The following CHCHD3 variants were observed in gnomAD, a reference collection of about 807,000 sequenced individuals.
CHCHD3 encodes coiled-coil-helix-coiled-coil-helix domain containing 3, also known as MICOS complex subunit MIC19.
Under a neutral mutation model 38.2 loss-of-function variants are expected in CHCHD3, and 20 were observed. The ratio of observed to expected loss-of-function variants is 0.52; its 90% CI spans 0.37 to 0.76. CHCHD3 has a LOEUF of 0.76. Among genes scored for constraint, CHCHD3 ranks in the 30% least tolerant of loss-of-function variants. CHCHD3 has a pLI of 0.00. For synonymous variants in CHCHD3, 82 were observed against 100.0 expected (o/e 0.82, Z 1.07); for missense variants, 245 against 279.2 (o/e 0.88, Z 0.87).
chr7:132,969,479 C>A (rs1386041535), intron 4 of CHCHD3, among the ~76,000 whole-genome samples: 2 of 152,210 alleles, frequency 1.3e-5, no homozygotes, highest in African/African-American at 4.8e-5. Context: ...CAATGCTACA[C>A]TGAAGTCAGA....
chr7:132,862,061 T>A (rs997161584), intron 5 of CHCHD3, among the ~76,000 whole-genome samples: 2 of 129,480 alleles, frequency 1.5e-5, no homozygotes, highest in African/African-American at 6.1e-5. Context: ...ACTTAATGTT[T>A]GCTGATGGAT....
rs139373029 is a variant in CHCHD3 at position 132,944,672 on chromosome 7, C to A, written c.369+30497G>T. On this transcript the variant is annotated intron_variant, in intron 4 of 7. Transcript: ENST00000262570. ...GAGCCGAAATTTGTACCTCCTCCATCCTATCCATACACTCCCCAGAAGTAT... is the reference window on the plus strand; with the variant it reads ...GAGCCGAAATTTGTACCTCCTCCATACTATCCATACACTCCCCAGAAGTAT... 8.9e-4 allele frequency among the ~76,000 whole-genome samples: 135 copies of A among 151,950 alleles called. No individual in the cohort carries two copies. The Middle Eastern group carries it at 0.031, about 34-fold the overall frequency.
Position 132,996,370 on chromosome 7 carries a change from TG to T in CHCHD3, c.252-21085del, listed in dbSNP as rs370421518. On this transcript the variant is annotated intron_variant, in intron 3 of 7. Coordinates refer to ENST00000262570, the MANE Select transcript of CHCHD3 (RefSeq NM_017812.4). ...TGACCCAGAACGTGTTTCCACTCTT[TG>T]TTTTTCCCCATTCACAGAGTCCTGA... 3.9e-5 allele frequency among the ~76,000 whole-genome samples: 6 copies of T among 152,338 alleles called. No homozygotes were observed. The East Asian group carries it at 1.2e-3, about 29-fold the overall frequency.
chr7:132,949,988 G>C (rs1449886648), intron 4 of CHCHD3, among the ~76,000 whole-genome samples: 1 of 152,040 alleles, frequency 6.6e-6, no homozygotes, highest in East Asian at 1.9e-4. Flanking sequence ...TTGTGTTTAG[G>C]AATATGGGAT....
At chr7:132,988,182 A>G (rs568182909) in intron 3 of CHCHD3, among the ~76,000 whole-genome samples, 1 of 152,194 alleles carries the variant, frequency 6.6e-6, no homozygotes, top group East Asian at 1.9e-4. Flanking sequence ...CAAGGGTCAT[A>G]AGAAACTTAC....
At chr7:132,954,010 C>T (rs975369878) in intron 4 of CHCHD3, among the ~76,000 whole-genome samples, 18 of 152,064 alleles carry the variant, frequency 1.2e-4, no homozygotes, top group Non-Finnish European at 1.9e-4. Context: ...ATCAGGAAGG[C>T]TTCTTGAAGA....
chr7:133,027,455 A>G (rs1813379398), intron 2 of CHCHD3, among the ~76,000 whole-genome samples: 18 of 144,554 alleles, frequency 1.2e-4, no homozygotes, highest in African/African-American at 4.7e-4. Flanking sequence ...GGAGGGGGGG[A>G]GAGGAAGAGG....
At chr7:132,990,055 C>T (rs1304453388) in intron 3 of CHCHD3, among the ~76,000 whole-genome samples, 2 of 152,072 alleles carry the variant, frequency 1.3e-5, no homozygotes, top group Non-Finnish European at 2.9e-5. Flanking sequence ...TGCCTGTAAT[C>T]CCAGCTACTG....
At chr7:132,949,717 T>C (rs1263110405) in intron 4 of CHCHD3, among the ~76,000 whole-genome samples, 1 of 152,082 alleles carries the variant, frequency 6.6e-6, no homozygotes, top group Non-Finnish European at 1.5e-5. Context: ...TAATAAAATA[T>C]GTCTTAAGAC....
chr7:132,800,461 T>C (rs1307487322), intron 6 of CHCHD3, among the ~76,000 whole-genome samples: 1 of 152,232 alleles, frequency 6.6e-6, no homozygotes. Flanking sequence ...CCTTCTTTGA[T>C]GTGGGTCTGA....
At chr7:132,988,696 T>C (rs1427348853) in intron 3 of CHCHD3, among the ~76,000 whole-genome samples, 1 of 152,072 alleles carries the variant, frequency 6.6e-6, no homozygotes, top group African/African-American at 2.4e-5. Flanking sequence ...GGAGGATCAC[T>C]TGAAGCCAGG....
chr7:132,933,113 G>A (rs529959964), intron 4 of CHCHD3, among the ~76,000 whole-genome samples: 1 of 152,326 alleles, frequency 6.6e-6, no homozygotes, highest in South Asian at 2.1e-4. Context: ...TTCTGAGTTA[G>A]ATGAAAACAA....
chr7:133,008,457 T>G (rs1254698551), intron 3 of CHCHD3, among the ~76,000 whole-genome samples: 1 of 149,354 alleles, frequency 6.7e-6, no homozygotes, highest in East Asian at 1.9e-4. Context: ...AGCAATTTCA[T>G]GGTGAAGGAA....
chr7:132,935,296 CACTG>C (rs1810610074), intron 4 of CHCHD3, among the ~76,000 whole-genome samples: 1 of 152,230 alleles, frequency 6.6e-6, no homozygotes, highest in African/African-American at 2.4e-5. Context: ...ACAAGGCCAG[CACTG>C]ACTCTCAGTG....
At chr7:132,853,985 C>T (rs773804485) in intron 5 of CHCHD3, among the ~76,000 whole-genome samples, 30 of 152,050 alleles carry the variant, frequency 2.0e-4, no homozygotes, top group Non-Finnish European at 3.2e-4. Flanking sequence ...TTTGATTTTA[C>T]CCTATCAAAC....
chr7:133,057,853 T>C (rs1814388035), intron 2 of CHCHD3, among the ~76,000 whole-genome samples: 1 of 152,098 alleles, frequency 6.6e-6, no homozygotes, highest in South Asian at 2.1e-4. Flanking sequence ...TTTAAAGATT[T>C]ATTAAAAAAA....
intron 1 of CHCHD3, among the ~76,000 whole-genome samples, chr7:133,078,736 G>GT (rs1815078133): frequency 6.6e-6 from 1 of 152,308 alleles, no homozygotes; most frequent in African/African-American, 2.4e-5. Context: ...CTTTAACAGT[G>GT]TAACAGAACA....
intron 1 of CHCHD3, among the ~76,000 whole-genome samples, chr7:133,077,580 A>G (rs1452973910): frequency 2.0e-5 from 3 of 152,232 alleles, no homozygotes; most frequent in African/African-American, 7.2e-5. Context: ...GCTCCAGAAG[A>G]GTTCACTCAC....
At chr7:132,906,555 C>T (rs561390078) in intron 4 of CHCHD3, among the ~76,000 whole-genome samples, 61 of 152,232 alleles carry the variant, frequency 4.0e-4, no homozygotes, top group Admixed American at 9.2e-4. Context: ...AAACCAAACA[C>T]GGTGCCCCTG....
Sources: allele counts gnomAD v4.1 joint callset (sites outside exome capture counted in the v4.1 genomes callset), GRCh38; gene constraint gnomAD v4.1.1; transcripts MANE v1.5; gene names NCBI Gene and HGNC (gene_info 2026-07-23, HGNC 2026-07-21).